The following TMEM114 variants were observed in gnomAD, a reference collection of about 807,000 sequenced individuals.
The protein encoded by TMEM114 is claudin-26.
TMEM114 carries 6 observed loss-of-function variants against 6.2 expected under a neutral mutation model. That is an observed-to-expected ratio of 0.97 (90% CI 0.53 to 1.91). The LOEUF (loss-of-function observed/expected upper bound fraction) is 1.91. Among genes scored for constraint, TMEM114 ranks in the 40% most tolerant of loss-of-function variants. The probability of loss-of-function intolerance (pLI) is 0.01; values close to 1 mark genes in which losing one functional copy is unlikely to be tolerated. For missense variants in TMEM114, 218 were observed against 158.3 expected (o/e 1.38, Z -2.02); for synonymous variants, 104 against 73.0 (o/e 1.42, Z -2.16).
At chr16:8,564,189 ATGAATGAGTGAGTGGG>A (rs1262099480) in intron 2 of TMEM114, among the ~76,000 whole-genome samples, 1 of 146,346 alleles carries the variant, frequency 6.8e-6, no homozygotes, top group Non-Finnish European at 1.5e-5. Flanking sequence ...GAGTGAGTGC[ATGAATGAGTGAGTGGG>A]TGAATGAGTG....
intron 2 of TMEM114, among the ~76,000 whole-genome samples, chr16:8,576,208 A>G (rs576170083): frequency 2.0e-5 from 3 of 152,266 alleles, no homozygotes; most frequent in East Asian, 1.9e-4. Context: ...TGCTTTCTCA[A>G]TCACAGCCAG....
intron 2 of TMEM114, among the ~76,000 whole-genome samples, chr16:8,538,133 C>CAAAAAAAAA (rs59194084): frequency 3.9e-5 from 3 of 76,340 alleles, no homozygotes; most frequent in African/African-American, 1.1e-4. Context: ...ACTGTCTCTA[C>CAAAAAAAAA]AAAAAAAAAA....
intron 2 of TMEM114, among the ~76,000 whole-genome samples, chr16:8,577,712 G>C (rs1436941074): frequency 6.6e-6 from 1 of 151,804 alleles, no homozygotes; most frequent in Admixed American, 6.6e-5. Context: ...GCCTCCTGAG[G>C]AGCTGGGACT....
intron 2 of TMEM114, among the ~76,000 whole-genome samples, chr16:8,573,847 C>G (rs2141687221): frequency 6.6e-6 from 1 of 152,286 alleles, no homozygotes; most frequent in African/African-American, 2.4e-5. Context: ...GCATCTGAGT[C>G]ACTTTTATGT....
At chr16:8,563,226 T>C (rs1901345921) in intron 2 of TMEM114, among the ~76,000 whole-genome samples, 1 of 151,006 alleles carries the variant, frequency 6.6e-6, no homozygotes, top group Non-Finnish European at 1.5e-5. Flanking sequence ...AATAAGTAAG[T>C]GAATGAGTGA....
At chr16:8,564,677 GT>G (rs1190311130), downstream of TMEM114, among the ~76,000 whole-genome samples, 12 of 17,026 alleles carry the variant, frequency 7.0e-4, no homozygotes, top group Non-Finnish European at 8.9e-4. Flanking sequence ...GAGGGAATGA[GT>G]GAATGAGTGA....
At chr16:8,567,537 G>A (rs969139758), downstream of TMEM114, among the ~76,000 whole-genome samples, 4 of 152,210 alleles carry the variant, frequency 2.6e-5, no homozygotes, top group Non-Finnish European at 1.5e-5. Context: ...AGGTGGACGT[G>A]TGGGACCAGA....
intron 2 of TMEM114, among the ~76,000 whole-genome samples, chr16:8,580,972 G>A (rs1286268347): frequency 2.6e-5 from 4 of 152,148 alleles, no homozygotes; most frequent in Admixed American, 6.6e-5. Context: ...GATTACAGGC[G>A]TGAGCCACCA....
chr16:8,557,801 T>C (rs1391613629), intron 2 of TMEM114, among the ~76,000 whole-genome samples: 1 of 152,210 alleles, frequency 6.6e-6, no homozygotes, highest in Non-Finnish European at 1.5e-5. Flanking sequence ...GCCATCATCA[T>C]CTGGTAACGT....
At chr16:8,589,515 G>A (rs1046902104) in intron 1 of TMEM114, 104 bp downstream of exon 1, 2 of 398,156 alleles carry the variant, frequency 5.0e-6, no homozygotes, top group Non-Finnish European at 4.4e-6. Context: ...GTATTTTAGG[G>A]ACTTGGGGGA....
intron 2 of TMEM114, among the ~76,000 whole-genome samples, chr16:8,548,613 A>C (rs1900745860): frequency 1.3e-5 from 2 of 151,320 alleles, no homozygotes; most frequent in South Asian, 4.2e-4. Flanking sequence ...CCTAAGAGCA[A>C]ATTATCTGAG....
chr16:8,547,255 A>G (rs561752580), intron 2 of TMEM114, among the ~76,000 whole-genome samples: 1 of 152,302 alleles, frequency 6.6e-6, no homozygotes, highest in East Asian at 1.9e-4. Flanking sequence ...GGAAGGGCAG[A>G]AAGCATCAAC....
At position 8,569,884 on chromosome 16, in the gene TMEM114, C is replaced by A; in HGVS notation, c.561G>T (p.Trp187Cys). 14 of 1,551,212 alleles carry A rather than the reference C, an allele frequency of 9.0e-6. No homozygotes were observed. Among genetic ancestry groups the A allele is most frequent in the Non-Finnish European group, 1.2e-5 (14 of 1,146,958 alleles). Residue 187 changes from tryptophan (W) to cysteine (C), a missense_variant, in exon 4 of 4, where the codon TGG (tryptophan) becomes TGT (cysteine). Physicochemically the swap from Trp to Cys is radical, Grantham distance 215 (BLOSUM62 -2). Transcript: ENST00000620492. ...AGCTGATCCAGCCCAGGGCCAGGGA[C>A]CAGCCGAAGCTGATGTCCACCTGGT... ...LLDQVDISFG[W>C]SLALGWISFI...
intron 2 of TMEM114, among the ~76,000 whole-genome samples, chr16:8,558,624 C>T: frequency 6.6e-6 from 1 of 152,182 alleles, no homozygotes; most frequent in African/African-American, 2.4e-5. Flanking sequence ...ATGCTTGAAC[C>T]TCCAACAGTC....
intron 2 of TMEM114, among the ~76,000 whole-genome samples, chr16:8,561,687 G>A (rs1211128833): frequency 6.6e-6 from 1 of 152,238 alleles, no homozygotes; most frequent in Non-Finnish European, 1.5e-5. Context: ...ATGAATGAGT[G>A]AGCGAGTGAA....
intron 2 of TMEM114, among the ~76,000 whole-genome samples, chr16:8,580,298 C>T (rs776707262): frequency 6.6e-6 from 1 of 152,192 alleles, no homozygotes; most frequent in South Asian, 2.1e-4. Context: ...ATCAGCGTGG[C>T]CAACATGGCG....
At chr16:8,553,361 T>G (rs1266724025) in intron 2 of TMEM114, among the ~76,000 whole-genome samples, 2 of 152,210 alleles carry the variant, frequency 1.3e-5, no homozygotes, top group African/African-American at 2.4e-5. Context: ...AAAATAGCTG[T>G]AGAGTCCAAA....
rs553032763 is a variant in TMEM114, at chr16:8,545,332, AG to A, written n.213-7507del. Among the ~76,000 whole-genome samples, 29 of 152,310 alleles carry A rather than the reference AG, an allele frequency of 1.9e-4. 1 individual carries two copies. In the South Asian group the frequency reaches 6.0e-3, roughly 32 times the overall value. ...ATGCCTGCAGTCCCAGCTACTCAGG[AG>A]GCTGAGGCAGGAGGATTGCTTGAGC... On this transcript the variant is annotated intron_variant and non_coding_transcript_variant, in intron 2 of 2. Transcript: ENST00000623677.
chr16:8,572,129 A>G lies in TMEM114; in HGVS notation c.397T>C (p.Tyr133His). 1.3e-6 allele frequency: 2 copies of G among 1,551,562 alleles called. No homozygotes were observed. The highest frequency in any genetic ancestry group is 1.7e-6 in the Non-Finnish European group (2 of 1,146,922). The change falls in exon 3 of 4, where the codon TAC becomes CAC. Residue 133 changes from tyrosine (Y) to histidine (H), a missense_variant. Transcript: ENST00000620492. ...ATTCCAGTGAGCAGGAGGAGGAGGT[A>G]GGCTTGGAGGAGGAAGCTCAGAAAC... The part of the protein sequence containing the change: ...TGFLSFLLQA[Y>H]LLLLLTGILF...
Sources: allele counts gnomAD v4.1 joint callset (sites outside exome capture counted in the v4.1 genomes callset), GRCh38; gene constraint gnomAD v4.1.1; transcripts MANE v1.5; gene names NCBI Gene and HGNC (gene_info 2026-07-23, HGNC 2026-07-21).